DLG2: variants seen among roughly 807,000 people sequenced by gnomAD.
The protein encoded by DLG2 is discs large MAGUK scaffold protein 2, also known as disks large homolog 2.
A neutral mutation model predicts 132.5 loss-of-function variants in DLG2; 45 were observed. The ratio of observed to expected loss-of-function variants is 0.34; its 90% CI spans 0.27 to 0.44. DLG2 has a LOEUF of 0.44. DLG2 is among the 20% of genes least tolerant of loss of function. DLG2 has a pLI of 1.00. For missense variants in DLG2, 1,045 were observed against 1,196.9 expected (o/e 0.87, Z 1.87); for synonymous variants, 424 against 419.6 (o/e 1.01, Z -0.13).
At chr11:84,452,467 A>G (rs766783084) in intron 7 of DLG2, among the ~76,000 whole-genome samples, 17 of 151,760 alleles carry the variant, frequency 1.1e-4, no homozygotes, top group Non-Finnish European at 2.4e-4. Context: ...TTTTGACTCT[A>G]GGGGATCAAG....
chr11:85,397,032 G>A (rs1463635518), intron 3 of DLG2, among the ~76,000 whole-genome samples: 2 of 152,142 alleles, frequency 1.3e-5, no homozygotes, highest in East Asian at 3.9e-4. Flanking sequence ...CAAAGAGAGA[G>A]GTTGGGTTAC....
intron 11 of DLG2, among the ~76,000 whole-genome samples, chr11:84,015,422 G>C (rs2095121303): frequency 6.6e-6 from 1 of 152,050 alleles, no homozygotes; most frequent in Non-Finnish European, 1.5e-5. Context: ...GCATGTGCAG[G>C]TTTGTTACAT....
intron 6 of DLG2, among the ~76,000 whole-genome samples, chr11:85,065,211 T>G (rs2064727146): frequency 6.6e-6 from 1 of 151,580 alleles, no homozygotes; most frequent in Non-Finnish European, 1.5e-5. Flanking sequence ...AGTCCACTAT[T>G]TATTATTAGA....
At chr11:84,185,219 T>C (rs192164197) in intron 8 of DLG2, among the ~76,000 whole-genome samples, 2 of 152,130 alleles carry the variant, frequency 1.3e-5, no homozygotes, top group Non-Finnish European at 2.9e-5. Context: ...AATGTCCTTC[T>C]ATTTGTTTGT....
chr11:84,537,317 G>A (rs553034330), intron 6 of DLG2, among the ~76,000 whole-genome samples: 2 of 152,140 alleles, frequency 1.3e-5, no homozygotes, highest in East Asian at 1.9e-4. Context: ...ATCTTAGCCA[G>A]GCTGGTCTCG....
At chr11:83,755,623 G>A (rs192616900) in intron 18 of DLG2, among the ~76,000 whole-genome samples, 3 of 151,428 alleles carry the variant, frequency 2.0e-5, no homozygotes, top group Admixed American at 1.3e-4. Flanking sequence ...ATGATCTATA[G>A]TGTTAATTTA....
chr11:83,994,962 T>G (rs1476725784), intron 11 of DLG2, among the ~76,000 whole-genome samples: 1 of 151,630 alleles, frequency 6.6e-6, no homozygotes, highest in African/African-American at 2.4e-5. Flanking sequence ...CCTATGTGCA[T>G]GTCTGTTTCT....
chr11:84,127,204 G>T (rs1006790936), intron 9 of DLG2, among the ~76,000 whole-genome samples: 1 of 152,118 alleles, frequency 6.6e-6, no homozygotes, highest in African/African-American at 2.4e-5. Context: ...CAGAGAGTGC[G>T]CCAAACCACT....
At chr11:84,397,562 G>T (rs956054897) in intron 7 of DLG2, among the ~76,000 whole-genome samples, 1 of 152,138 alleles carries the variant, frequency 6.6e-6, no homozygotes, top group African/African-American at 2.4e-5. Context: ...CTATTTTTTG[G>T]CAATCTTAGA....
chr11:85,437,773 T>C (rs1010599765), intron 3 of DLG2, among the ~76,000 whole-genome samples: 2 of 151,912 alleles, frequency 1.3e-5, no homozygotes, highest in Non-Finnish European at 2.9e-5. Context: ...ATAGAAGATA[T>C]GTATAATTAA....
At chr11:83,684,750 C>T (rs1042848687) in intron 18 of DLG2, among the ~76,000 whole-genome samples, 4 of 152,064 alleles carry the variant, frequency 2.6e-5, no homozygotes, top group African/African-American at 9.7e-5. Context: ...CTACATTTAG[C>T]CCCCAAATCC....
At position 84,793,310 on chromosome 11, in the gene DLG2, G is replaced by C. The variant is rs550207181; in HGVS notation, c.358-258579C>G. Among the ~76,000 whole-genome samples, 4 of 152,282 alleles carry C rather than the reference G, an allele frequency of 2.6e-5. No individual in the cohort carries two copies. In the South Asian group the frequency reaches 8.3e-4, roughly 32 times the overall value. ...CAATTTTTTAAATGTTTTAAGGCTT[G>C]TTTTGTGACCTAACATATGGTCTTT... On this transcript the variant is annotated intron_variant, in intron 6 of 27. Coordinates refer to ENST00000376104, the MANE Select transcript of DLG2 (RefSeq NM_001142699.3).
intron 18 of DLG2, among the ~76,000 whole-genome samples, chr11:83,640,905 G>A (rs1393488621): frequency 6.6e-6 from 1 of 152,156 alleles, no homozygotes; most frequent in Non-Finnish European, 1.5e-5. Context: ...GGGGTTCAAA[G>A]CAGTACCTTG....
intron 6 of DLG2, among the ~76,000 whole-genome samples, chr11:85,012,962 C>G (rs770522558): frequency 6.6e-6 from 1 of 152,100 alleles, no homozygotes; most frequent in Non-Finnish European, 1.5e-5. Flanking sequence ...TAAGGTAATG[C>G]ATATAAAGTG....
chr11:84,336,183 A>C (rs1207133862), intron 7 of DLG2, among the ~76,000 whole-genome samples: 2 of 152,328 alleles, frequency 1.3e-5, no homozygotes, highest in South Asian at 4.1e-4. Context: ...GGGTAATTCA[A>C]ATTCCCCAAC....
intron 9 of DLG2, among the ~76,000 whole-genome samples, chr11:84,151,582 C>G (rs964884877): frequency 6.6e-6 from 1 of 152,048 alleles, no homozygotes; most frequent in African/African-American, 2.4e-5. Context: ...TTTTCTTCTG[C>G]TAGCTTTGAG....
intron 6 of DLG2, among the ~76,000 whole-genome samples, chr11:84,714,657 C>CTCTCTCTCTCTCTCTCTCTT (rs1565751150): frequency 4.9e-5 from 7 of 143,568 alleles, no homozygotes; most frequent in Admixed American, 1.4e-4. Context: ...TTCTCTCTCT[C>CTCTCTCTCTCTCTCTCTCTT]TCTCTCTCTC....
intron 3 of DLG2, among the ~76,000 whole-genome samples, chr11:85,335,919 A>G (rs1208656884): frequency 6.6e-6 from 1 of 152,154 alleles, no homozygotes; most frequent in African/African-American, 2.4e-5. Context: ...TGTTCTGCAC[A>G]TGTACCCCAG....
At chr11:85,072,049 C>G (rs1022921708) in intron 6 of DLG2, among the ~76,000 whole-genome samples, 1 of 151,798 alleles carries the variant, frequency 6.6e-6, no homozygotes, top group African/African-American at 2.4e-5. Flanking sequence ...AAAATGTGAG[C>G]ATTTGTAGAT....
Sources: allele counts gnomAD v4.1 joint callset (sites outside exome capture counted in the v4.1 genomes callset), GRCh38; gene constraint gnomAD v4.1.1; transcripts MANE v1.5; gene names NCBI Gene and HGNC (gene_info 2026-07-23, HGNC 2026-07-21).